The following RGPD3 variants were observed in gnomAD, a reference collection of about 807,000 sequenced individuals.
RGPD3 encodes the protein RANBP2 like and GRIP domain containing 3.
In RGPD3, 62 loss-of-function variants were observed where a neutral mutation model predicts 154.5. The ratio of observed to expected loss-of-function variants is 0.40; its 90% CI spans 0.33 to 0.50. The LOEUF is 0.50. RGPD3 is among the 20% of genes least tolerant of loss of function. The pLI is 0.59. For missense variants in RGPD3, 919 were observed against 1,716.8 expected (o/e 0.54, Z 8.21); for synonymous variants, 308 against 607.0 (o/e 0.51, Z 7.24).
chr2:106,467,048 A>G lies in RGPD3; in HGVS notation c.72+1169T>C, dbSNP rs1168312327. 2.7e-3 allele frequency among the ~76,000 whole-genome samples: 230 copies of G among 86,512 alleles called. 5 individuals carry two copies. The highest frequency in any genetic ancestry group is 9.1e-3 in the Middle Eastern group (1 of 110). The allele number at this position is 86,512 out of a possible 152,430, so 56.8% of individuals were successfully genotyped here. ...CCGCCTCAACAGAGCGCGCCAGGTA[A>G]CAGCGCCGGTCGGGAGCCATGACGC... On this transcript the variant is annotated intron_variant, in intron 1 of 22. Coordinates refer to ENST00000409886, the MANE Select transcript of RGPD3 (RefSeq NM_001144013.2).
chr2:106,465,956 C>G (rs990048495), intron 1 of RGPD3, among the ~76,000 whole-genome samples: 46 of 152,096 alleles, frequency 3.0e-4, no homozygotes, highest in Non-Finnish European at 6.0e-4. Flanking sequence ...CAAAGCTCAC[C>G]CGGAGCTGCG....
intron 22 of RGPD3, among the ~76,000 whole-genome samples, chr2:106,407,384 C>T (rs1230783035): frequency 1.4e-5 from 2 of 147,362 alleles, no homozygotes. Flanking sequence ...CTGGAGGAGG[C>T]AATGAGGGCA....
chr2:106,462,267 C>A (rs1333911594), intron 1 of RGPD3, among the ~76,000 whole-genome samples: 2 of 150,792 alleles, frequency 1.3e-5, no homozygotes, highest in Non-Finnish European at 1.5e-5. Flanking sequence ...TTCTTTGCTT[C>A]CAACTATGTT....
intron 18 of RGPD3, among the ~76,000 whole-genome samples, chr2:106,427,376 TA>T (rs980329320): frequency 6.6e-6 from 1 of 151,230 alleles, no homozygotes; most frequent in Non-Finnish European, 1.5e-5. Context: ...TCGTTGGCTT[TA>T]AAAAAATCAC....
chr2:106,441,098 A>T (rs1378095993), intron 8 of RGPD3, among the ~76,000 whole-genome samples, 195 bp downstream of exon 8: 1 of 148,838 alleles, frequency 6.7e-6, no homozygotes, highest in Non-Finnish European at 1.5e-5. Flanking sequence ...AACAAACAAT[A>T]TCAAATATTC....
chr2:106,410,867 AT>A (rs1430261461), intron 22 of RGPD3, among the ~76,000 whole-genome samples: 2 of 152,144 alleles, frequency 1.3e-5, no homozygotes, highest in African/African-American at 4.8e-5. Flanking sequence ...CAAAAATACT[AT>A]TGTGGCTATA....
At position 106,468,229 on chromosome 2, in the gene RGPD3, C is replaced by T. The variant is rs778699719; in HGVS notation, c.60G>A (p.Pro20=). 10 of 1,606,088 alleles carry T rather than the reference C, an allele frequency of 6.2e-6. No homozygotes were observed. The African/African-American group carries it at 6.7e-5, about 11-fold the overall frequency. ...CAGACCCACTCACCTTTCGAGGCGA[C>T]GGGGCGGAGCCCTGCACCGAGGCGA... ...RYVASVQGSA[P]SPRKKSTRGF... Residue 20 remains proline, a synonymous_variant, in exon 1 of 23, where the codon CCG becomes CCA. Transcript: ENST00000409886.
chr2:106,450,890 A>AAAAAAAAAAAAAAAAAG (rs1553462282), intron 6 of RGPD3, among the ~76,000 whole-genome samples: 27 of 118,810 alleles, frequency 2.3e-4, no homozygotes, highest in African/African-American at 8.2e-4. Flanking sequence ...TCAAAAAAAA[A>AAAAAAAAAAAAAAAAAG]AGAGAGATTG....
intron 1 of RGPD3, among the ~76,000 whole-genome samples, chr2:106,462,181 A>C (rs1678425410): frequency 6.6e-6 from 1 of 152,144 alleles, no homozygotes; most frequent in Admixed American, 6.5e-5. Context: ...GAGCCCGGCC[A>C]GTTCCCCCTT....
rs1442394314 is a variant in RGPD3 at position 106,424,521 on chromosome 2, G to A, written c.3446C>T (p.Ala1149Val). 5.0e-6 allele frequency: 8 copies of A among 1,606,114 alleles called. No homozygotes were observed. Among genetic ancestry groups the A allele is most frequent in the Non-Finnish European group, 6.8e-6 (8 of 1,179,076 alleles). The change falls in exon 20 of 23, where the codon GCA becomes GTA. Residue 1149 changes from alanine to valine, a missense_variant. Physicochemically the swap from Ala to Val is moderately conservative, Grantham distance 64. Transcript: ENST00000409886. ...DGDAKLERLA[A>V]KFKTPELAEE... is the part of the protein sequence containing the mutation. ...AGCCAGCTCTGGTGTTTTAAATTTT[G>A]CTGCCAATCGCTCTAGTTTGGCATC...
intron 1 of RGPD3, among the ~76,000 whole-genome samples, chr2:106,464,776 T>C (rs1291171515): frequency 1.3e-5 from 2 of 152,148 alleles, no homozygotes; most frequent in Non-Finnish European, 2.9e-5. Flanking sequence ...CAGGCTGGAG[T>C]GCAGTGGTGC....
intron 18 of RGPD3, among the ~76,000 whole-genome samples, chr2:106,426,607 G>C (rs1488753619): frequency 6.6e-5 from 10 of 151,814 alleles, no homozygotes; most frequent in Non-Finnish European, 1.5e-4. Flanking sequence ...TGTGTTCCCT[G>C]GCTTAAAATA....
At chr2:106,413,570 A>C (rs1046163917) in intron 21 of RGPD3, among the ~76,000 whole-genome samples, 1 of 152,258 alleles carries the variant, frequency 6.6e-6, no homozygotes, top group African/African-American at 2.4e-5. Context: ...ATATGAACCA[A>C]GTGTTGGGCT....
At chr2:106,415,674 CAA>C (rs879163469) in intron 21 of RGPD3, among the ~76,000 whole-genome samples, 174 bp downstream of exon 21, 1,844 of 44,584 alleles carry the variant, frequency 0.041, 9 homozygotes, top group South Asian at 0.072. Flanking sequence ...AAGACTGTCT[CAA>C]AAAAAAAAAA....
At chr2:106,431,919 AC>A (rs1438500037) in intron 17 of RGPD3, among the ~76,000 whole-genome samples, 1 of 149,058 alleles carries the variant, frequency 6.7e-6, no homozygotes, top group East Asian at 2.0e-4. Context: ...ATATAGTAAG[AC>A]TTTTTGAAGC....
At chr2:106,470,179 C>A (rs1188870072), upstream of RGPD3, among the ~76,000 whole-genome samples, 6 of 152,152 alleles carry the variant, frequency 3.9e-5, no homozygotes, top group African/African-American at 1.4e-4. Flanking sequence ...TATTGTTATC[C>A]AAACCCTATC....
chr2:106,460,913 C>T (rs1417614633), intron 1 of RGPD3, among the ~76,000 whole-genome samples: 9 of 17,226 alleles, frequency 5.2e-4, no homozygotes, highest in Non-Finnish European at 6.2e-4. Flanking sequence ...ACAGAGTATA[C>T]AGCTACTCAA....
At chr2:106,461,375 C>T (rs1678399174) in intron 1 of RGPD3, among the ~76,000 whole-genome samples, 1 of 152,010 alleles carries the variant, frequency 6.6e-6, no homozygotes, top group South Asian at 2.1e-4. Flanking sequence ...AACAATTGAT[C>T]TGATAACTGA....
Position 106,450,145 on chromosome 2 carries a change from C to A in RGPD3, c.782+2060G>T, listed in dbSNP as rs555015298. On this transcript the variant is annotated intron_variant, in intron 6 of 22. Transcript: ENST00000409886. ...CTGTAATCCCAACACTTTGGGAGGC[C>A]GAGGAGGGCAGATCACGAGGTCAGG... Among the ~76,000 whole-genome samples, 347 of 139,410 alleles carry A rather than the reference C, an allele frequency of 2.5e-3. 1 individual carries two copies. Among genetic ancestry groups the A allele is most frequent in the African/African-American group, 8.8e-3 (330 of 37,536 alleles). 91.5% of individuals were successfully genotyped at this position (139,410 alleles called of 152,430 possible).
Sources: allele counts gnomAD v4.1 joint callset (sites outside exome capture counted in the v4.1 genomes callset), GRCh38; gene constraint gnomAD v4.1.1; transcripts MANE v1.5; gene names NCBI Gene and HGNC (gene_info 2026-07-23, HGNC 2026-07-21).